The following PRKN variants were observed in gnomAD, a reference collection of about 807,000 sequenced individuals.
PRKN encodes the protein parkin RBR E3 ubiquitin protein ligase, also known as E3 ubiquitin-protein ligase parkin.
Under a neutral mutation model 59.5 loss-of-function variants are expected in PRKN, and 56 were observed. The observed-to-expected ratio is 0.94, with a 90% confidence interval of 0.76 to 1.18. PRKN has a LOEUF of 1.18. PRKN is among the 50% of genes most tolerant of loss of function. The pLI, the probability that PRKN is intolerant of heterozygous loss-of-function variation, is 0.00. For synonymous variants in PRKN, 250 were observed against 222.1 expected (o/e 1.13, Z -1.12); for missense variants, 657 against 596.4 (o/e 1.10, Z -1.06).
At chr6:162,300,570 C>A (rs1781899087) in intron 2 of PRKN, among the ~76,000 whole-genome samples, 1 of 151,730 alleles carries the variant, frequency 6.6e-6, no homozygotes, top group African/African-American at 2.4e-5. Flanking sequence ...TTCAAGTTTT[C>A]CACATGCATC....
chr6:162,317,465 A>C (rs1441247301), intron 2 of PRKN, among the ~76,000 whole-genome samples: 1 of 152,012 alleles, frequency 6.6e-6, no homozygotes, highest in East Asian at 2.0e-4. Context: ...TTGCTTTATA[A>C]ATTACCCAGT....
intron 3 of PRKN, 125 bp downstream of exon 3, chr6:162,262,400 G>T: frequency 9.0e-7 from 1 of 1,114,866 alleles, no homozygotes; most frequent in Non-Finnish European, 1.4e-6. Flanking sequence ...TCCTTGTAGT[G>T]AATTAGAGAC....
intron 4 of PRKN, among the ~76,000 whole-genome samples, chr6:162,200,116 T>C (rs1459460231): frequency 6.6e-6 from 1 of 152,048 alleles, no homozygotes; most frequent in Non-Finnish European, 1.5e-5. Flanking sequence ...ATCACTGGGG[T>C]TCCTGGCTGG....
chr6:162,024,522 C>G (rs1238709089), intron 5 of PRKN, among the ~76,000 whole-genome samples: 1 of 152,160 alleles, frequency 6.6e-6, no homozygotes, highest in Non-Finnish European at 1.5e-5. Flanking sequence ...TAAATTTTTA[C>G]ATTTACCACT....
At chr6:161,558,201 A>C (rs2115451939) in intron 8 of PRKN, among the ~76,000 whole-genome samples, 1 of 152,294 alleles carries the variant, frequency 6.6e-6, no homozygotes, top group East Asian at 1.9e-4. Context: ...ATTAGAACTA[A>C]GGCTGAAACT....
chr6:162,516,637 G>A (rs577592010), intron 1 of PRKN, among the ~76,000 whole-genome samples: 16 of 151,758 alleles, frequency 1.1e-4, no homozygotes, highest in Non-Finnish European at 1.9e-4. Flanking sequence ...TATAATCCCA[G>A]CTACTCAGGA....
intron 9 of PRKN, among the ~76,000 whole-genome samples, chr6:161,496,547 C>A (rs1280086555): frequency 4.6e-5 from 7 of 152,212 alleles, no homozygotes; most frequent in East Asian, 1.9e-4. Flanking sequence ...GTGCAGGGGA[C>A]CTCCCCTTTA....
At chr6:161,474,237 A>G (rs1238501748) in intron 9 of PRKN, among the ~76,000 whole-genome samples, 2 of 152,204 alleles carry the variant, frequency 1.3e-5, no homozygotes, top group East Asian at 3.8e-4. Flanking sequence ...GGAAGTGCCC[A>G]GCACAGGGCC....
At chr6:162,192,282 A>C (rs1421769903) in intron 4 of PRKN, among the ~76,000 whole-genome samples, 3 of 152,176 alleles carry the variant, frequency 2.0e-5, no homozygotes, top group Non-Finnish European at 4.4e-5. Context: ...TATCTTTTAC[A>C]TAAAAAGTAA....
At chr6:161,718,393 G>A (rs1787078631) in intron 7 of PRKN, among the ~76,000 whole-genome samples, 1 of 152,146 alleles carries the variant, frequency 6.6e-6, no homozygotes, top group Non-Finnish European at 1.5e-5. Flanking sequence ...CCAGTGTGGA[G>A]GACATGGGTG....
intron 7 of PRKN, among the ~76,000 whole-genome samples, chr6:161,767,257 T>G (rs965348881): frequency 6.6e-6 from 1 of 152,172 alleles, no homozygotes; most frequent in Non-Finnish European, 1.5e-5. Context: ...CTCATGCCTG[T>G]AATCCCAGCA....
At chr6:162,301,855 ATGATG>A (rs1406985405) in intron 2 of PRKN, among the ~76,000 whole-genome samples, 1 of 151,076 alleles carries the variant, frequency 6.6e-6, no homozygotes, top group African/African-American at 2.4e-5. Context: ...TATCTCCAAT[ATGATG>A]TACACCAAAC....
intron 3 of PRKN, among the ~76,000 whole-genome samples, chr6:162,255,099 A>AAATAAAATAC (rs1210077996): frequency 6.0e-5 from 9 of 150,482 alleles, no homozygotes; most frequent in Non-Finnish European, 1.2e-4. Flanking sequence ...AAATAAAATA[A>AAATAAAATAC]AATAAAATAA....
chr6:162,519,435 C>G (rs1778000505), intron 1 of PRKN, among the ~76,000 whole-genome samples: 1 of 152,058 alleles, frequency 6.6e-6, no homozygotes, highest in Non-Finnish European at 1.5e-5. Context: ...TTATTTTGGG[C>G]TTTGTGTGGT....
chr6:161,891,330 TAA>T (rs1350217764), intron 6 of PRKN, among the ~76,000 whole-genome samples: 2 of 152,212 alleles, frequency 1.3e-5, no homozygotes, highest in Non-Finnish European at 2.9e-5. Flanking sequence ...AATCTTACCA[TAA>T]AAGTGACTTT....
intron 9 of PRKN, among the ~76,000 whole-genome samples, chr6:161,433,912 G>A (rs940202269): frequency 1.3e-5 from 2 of 152,074 alleles, no homozygotes; most frequent in African/African-American, 4.8e-5. Context: ...AGCTACTCGG[G>A]AGGCTGAGAG....
At chr6:162,555,523 A>G (rs1482366018) in intron 1 of PRKN, among the ~76,000 whole-genome samples, 1 of 152,152 alleles carries the variant, frequency 6.6e-6, no homozygotes, top group Admixed American at 6.5e-5. Flanking sequence ...TATCAACTAC[A>G]TTTAACAAAA....
chr6:162,664,280 A>T (rs1265215182), intron 1 of PRKN, among the ~76,000 whole-genome samples: 3 of 152,028 alleles, frequency 2.0e-5, no homozygotes, highest in Non-Finnish European at 2.9e-5. Context: ...CATTTTCTTT[A>T]TCCAGTCTAT....
At position 161,991,228 on chromosome 6, in the gene PRKN, T is replaced by A. The variant is rs561824652; in HGVS notation, c.619-17811A>T. Among the ~76,000 whole-genome samples, 12 of 152,298 alleles carry A rather than the reference T, an allele frequency of 7.9e-5. No individual in the cohort carries two copies. The South Asian group carries it at 1.5e-3, about 18-fold the overall frequency. Reference sequence around the variant, plus strand: ...ATTCATCACCACTAGACAAGTCTTATGAGAAATGCTCAAGGAAATTCTACA... The same window carrying A: ...ATTCATCACCACTAGACAAGTCTTAAGAGAAATGCTCAAGGAAATTCTACA... On this transcript the variant is annotated intron_variant, in intron 5 of 11. Coordinates refer to ENST00000366898, the MANE Select transcript of PRKN (RefSeq NM_004562.3).
Sources: gnomAD v4.1 joint callset for allele counts (sites outside exome capture counted in the v4.1 genomes callset) on GRCh38, gnomAD v4.1.1 for gene constraint, MANE v1.5 for transcripts, NCBI Gene and HGNC (gene_info 2026-07-23, HGNC 2026-07-21) for gene names.